RAB11FIP4: variants seen among roughly 807,000 people sequenced by gnomAD.
RAB11FIP4 encodes the protein RAB11 family interacting protein 4, also known as rab11 family-interacting protein 4.
RAB11FIP4 carries 23 observed loss-of-function variants against 74.3 expected under a neutral mutation model. The observed-to-expected ratio is 0.31, with a 90% CI of 0.22 to 0.44. RAB11FIP4 has a LOEUF of 0.44. Ranked by LOEUF, RAB11FIP4 falls within the 20% of genes least tolerant of loss-of-function variation. RAB11FIP4 has a pLI of 1.00. For synonymous variants in RAB11FIP4, 360 were observed against 359.9 expected (o/e 1.00, Z 0.00); for missense variants, 630 against 863.9 (o/e 0.73, Z 3.39).
chr17:31,497,177 A>C (rs1425038839), intron 3 of RAB11FIP4, among the ~76,000 whole-genome samples: 1 of 152,154 alleles, frequency 6.6e-6, no homozygotes, highest in Non-Finnish European at 1.5e-5. Flanking sequence ...CAGCCTGACC[A>C]ACATGGTGAA....
intron 1 of RAB11FIP4, among the ~76,000 whole-genome samples, chr17:31,423,627 C>G (rs1006565094): frequency 9.2e-5 from 14 of 151,802 alleles, no homozygotes; most frequent in Non-Finnish European, 1.6e-4. Context: ...GTTTTCAAAG[C>G]CTTTGCAGTG....
At chr17:31,458,405 G>A (rs1017610510) in intron 3 of RAB11FIP4, among the ~76,000 whole-genome samples, 1 of 152,198 alleles carries the variant, frequency 6.6e-6, no homozygotes, top group Non-Finnish European at 1.5e-5. Context: ...GCATTGCGGG[G>A]AGGCAAGATT....
intron 1 of RAB11FIP4, among the ~76,000 whole-genome samples, chr17:31,406,555 G>C (rs968245621): frequency 6.6e-5 from 10 of 152,204 alleles, no homozygotes; most frequent in Non-Finnish European, 1.3e-4. Flanking sequence ...TAATGTATTT[G>C]TTTCTGCCAG....
intron 10 of RAB11FIP4, chr17:31,527,087 A>G (rs1231605967): frequency 6.6e-6 from 1 of 152,316 alleles, no homozygotes; most frequent in African/African-American, 2.4e-5. Flanking sequence ...GTGAGCGCTC[A>G]GAGAAGAGCC....
At chr17:31,522,983 C>T (rs538976282) in intron 7 of RAB11FIP4, 130 of 174,412 alleles carry the variant, frequency 7.5e-4, no homozygotes, top group Non-Finnish European at 1.3e-3. Context: ...GCCTCAGGCA[C>T]GGGTTAGCTC....
intron 1 of RAB11FIP4, among the ~76,000 whole-genome samples, chr17:31,418,055 C>T (rs2071164666): frequency 6.6e-6 from 1 of 152,174 alleles, no homozygotes; most frequent in African/African-American, 2.4e-5. Flanking sequence ...CATGCCACTG[C>T]ACTCCAGCCT....
Position 31,505,490 on chromosome 17 carries a change from AT to A in RAB11FIP4, c.337-12160del, listed in dbSNP as rs1275438433. 1.6e-4 allele frequency among the ~76,000 whole-genome samples: 11 copies of A among 68,098 alleles called. 1 individual carries two copies. Among genetic ancestry groups the A allele is most frequent in the African/African-American group, 6.4e-4 (11 of 17,166 alleles). 44.7% of individuals were successfully genotyped at this position (68,098 alleles called of 152,430 possible). On this transcript the variant is annotated intron_variant, in intron 3 of 14. Coordinates refer to ENST00000621161, the MANE Select transcript of RAB11FIP4 (RefSeq NM_032932.6). ...TATAATAATAATTATAATATATAATATATAATTATTATATTATATATAATAA... is the reference window on the plus strand; with the variant it reads ...TATAATAATAATTATAATATATAATAATAATTATTATATTATATATAATAA...
chr17:31,517,566 TG>T (rs2072580562), intron 3 of RAB11FIP4, 84 bp from the exon 4 acceptor site: 1 of 1,333,806 alleles, frequency 7.5e-7, no homozygotes, highest in South Asian at 1.3e-5. Context: ...TGTTTTGGCC[TG>T]GCTGATGCCC....
chr17:31,429,138 C>T (rs1013467721), intron 1 of RAB11FIP4, among the ~76,000 whole-genome samples: 4 of 152,086 alleles, frequency 2.6e-5, no homozygotes, highest in Non-Finnish European at 5.9e-5. Flanking sequence ...TATGAAGCCT[C>T]TACTATGTAC....
At chr17:31,456,642 A>G (rs1374581429) in intron 3 of RAB11FIP4, among the ~76,000 whole-genome samples, 1 of 152,132 alleles carries the variant, frequency 6.6e-6, no homozygotes, top group East Asian at 1.9e-4. Context: ...AAGTCAGAAA[A>G]CTTAGAGCTA....
rs1044159117 is a variant in RAB11FIP4, at chr17:31,512,868, G to A, written c.337-4783G>A. Reference sequence around the variant, plus strand: ...CCTTTTTCACACAGCAGGCGGGAATGGGCAGGAAACCGGGGCTCTGAGAGG... The same window carrying A: ...CCTTTTTCACACAGCAGGCGGGAATAGGCAGGAAACCGGGGCTCTGAGAGG... On this transcript the variant is annotated intron_variant, in intron 3 of 14. Coordinates refer to ENST00000621161, the MANE Select transcript of RAB11FIP4 (RefSeq NM_032932.6). The surrounding 1 kb of genome is among the most constrained non-coding windows in gnomAD (Gnocchi z 4.1). 6.6e-6 allele frequency among the ~76,000 whole-genome samples: 1 copy of A among 152,158 alleles called. No homozygotes were observed. The highest frequency in any genetic ancestry group is 1.5e-5 in the Non-Finnish European group (1 of 68,004).
intron 1 of RAB11FIP4, among the ~76,000 whole-genome samples, chr17:31,416,225 C>T (rs2071146930): frequency 6.6e-6 from 1 of 152,174 alleles, no homozygotes; most frequent in Admixed American, 6.5e-5. Flanking sequence ...GCCCGGGGCT[C>T]CTGACTCCTC....
chr17:31,440,340 G>C (rs930310863), intron 3 of RAB11FIP4, among the ~76,000 whole-genome samples: 1 of 152,062 alleles, frequency 6.6e-6, no homozygotes, highest in Non-Finnish European at 1.5e-5. Flanking sequence ...TATATACGTA[G>C]GTCTCTTTCT....
At chr17:31,412,395 C>T (rs527491470) in intron 1 of RAB11FIP4, among the ~76,000 whole-genome samples, 1 of 152,322 alleles carries the variant, frequency 6.6e-6, no homozygotes, top group South Asian at 2.1e-4. Flanking sequence ...CACTTTAGTC[C>T]AGGAAAGCCT....
intron 1 of RAB11FIP4, among the ~76,000 whole-genome samples, chr17:31,417,968 G>A (rs1438901928): frequency 1.3e-5 from 2 of 152,170 alleles, no homozygotes; most frequent in East Asian, 1.9e-4. Context: ...GTGTATGCCT[G>A]TACTCCCAGC....
chr17:31,517,680 T>C lies in RAB11FIP4; in HGVS notation c.366T>C (p.Ala122=), dbSNP rs755739434. The C allele has an allele frequency of 1.0e-5, 16 of 1,607,568 alleles. No homozygotes were observed. The highest frequency in any genetic ancestry group is 3.4e-5 in the Admixed American group (2 of 59,032). Residue 122 remains alanine, a synonymous_variant, in exon 4 of 15, where the codon GCT becomes GCC. Coordinates refer to ENST00000621161, the MANE Select transcript of RAB11FIP4 (RefSeq NM_032932.6). ...GCGAGGTCACAGGCCCCACCTTTGC[T>C]GATGGCGAGCTCATCCCCAGGGAAC... is the stretch of plus-strand genomic sequence containing the variant. ...QGSEVTGPTF[A]DGELIPREPG...
chr17:31,474,875 C>CAAAAAAAA (rs3058693), intron 3 of RAB11FIP4, among the ~76,000 whole-genome samples: 1 of 143,600 alleles, frequency 7.0e-6, no homozygotes, highest in African/African-American at 2.7e-5. Context: ...CAAAACAAAA[C>CAAAAAAAA]AAAAAACAAA....
intron 3 of RAB11FIP4, among the ~76,000 whole-genome samples, chr17:31,496,020 C>T (rs2072110025): frequency 6.6e-6 from 1 of 152,134 alleles, no homozygotes; most frequent in African/African-American, 2.4e-5. Context: ...TATAATTTGA[C>T]AGCGCCTTTT....
At chr17:31,522,071 G>C in intron 6 of RAB11FIP4, 22 bp downstream of exon 6, 3 of 1,613,780 alleles carry the variant, frequency 1.9e-6, no homozygotes, top group Non-Finnish European at 2.5e-6. Flanking sequence ...GCCCAGCTGG[G>C]GGGTGAGAGG....
Sources: allele counts gnomAD v4.1 joint callset (sites outside exome capture counted in the v4.1 genomes callset), GRCh38; gene constraint gnomAD v4.1.1; non-coding constraint Gnocchi (gnomAD v3.1); transcripts MANE v1.5; gene names NCBI Gene and HGNC (gene_info 2026-07-23, HGNC 2026-07-21).